Variants in CRADD observed in about 807,000 individuals in gnomAD.
CRADD encodes CARD and death domain containing adaptor protein, also known as death domain-containing protein CRADD.
CRADD carries 9 observed loss-of-function variants against 15.5 expected under a neutral mutation model. The ratio of observed to expected loss-of-function variants is 0.58; its 90% confidence interval spans 0.35 to 1.01. CRADD has a LOEUF of 1.01. Ranked by LOEUF, CRADD falls within the 50% of genes least tolerant of loss-of-function variation. The pLI is 0.02. For missense variants in CRADD, 227 were observed against 250.3 expected (o/e 0.91, Z 0.63); for synonymous variants, 118 against 107.6 (o/e 1.10, Z -0.60).
At chr12:93,686,596 A>G (rs1195368344) in intron 2 of CRADD, among the ~76,000 whole-genome samples, 1 of 152,250 alleles carries the variant, frequency 6.6e-6, no homozygotes, top group African/African-American at 2.4e-5. Flanking sequence ...AATTTTAAAC[A>G]CATTTACTTG....
intron 2 of CRADD, among the ~76,000 whole-genome samples, chr12:93,702,963 T>A (rs1479578897): frequency 6.6e-6 from 1 of 152,222 alleles, no homozygotes; most frequent in East Asian, 1.9e-4. Flanking sequence ...TCATTTATGT[T>A]GTTTTGTTCA....
chr12:93,795,087 G>C (rs1195800616), intron 2 of CRADD, among the ~76,000 whole-genome samples: 1 of 152,116 alleles, frequency 6.6e-6, no homozygotes. Context: ...TTGTGTTTAT[G>C]TATTATTTTT....
At chr12:93,695,987 A>G (rs1430445842) in intron 2 of CRADD, among the ~76,000 whole-genome samples, 1 of 152,222 alleles carries the variant, frequency 6.6e-6, no homozygotes, top group Admixed American at 6.5e-5. Flanking sequence ...TGAAAAAATG[A>G]TCAACATCGC....
chr12:93,856,870 A>T (rs775748432), intron 2 of CRADD, among the ~76,000 whole-genome samples: 4 of 152,192 alleles, frequency 2.6e-5, no homozygotes, highest in Non-Finnish European at 4.4e-5. Flanking sequence ...TTCAAATTAG[A>T]TGTTGCTGGC....
intron 2 of CRADD, among the ~76,000 whole-genome samples, chr12:93,880,190 ACTTAGT>A (rs970564353): frequency 6.6e-6 from 1 of 152,140 alleles, no homozygotes; most frequent in African/African-American, 2.4e-5. Flanking sequence ...AATGTCTAGG[ACTTAGT>A]CTTATCTTAC....
chr12:93,878,510 C>G lies in CRADD; in HGVS notation c.299-15540C>G, dbSNP rs150968819. Among the ~76,000 whole-genome samples, 1,206 of 152,294 alleles carry G rather than the reference C, an allele frequency of 7.9e-3. 10 individuals carry two copies. The highest frequency in any genetic ancestry group is 0.013 in the Non-Finnish European group (858 of 68,028). ...CCCCAACTGGTGTCTCAGTAGGTCA[C>G]ATGCCCCACCCCCAGTCCACTCTCT... is the stretch of plus-strand genomic sequence containing the variant. On this transcript the variant is annotated intron_variant, in intron 2 of 2. Transcript: ENST00000548483.
chr12:93,725,015 C>T (rs879732096), intron 2 of CRADD, among the ~76,000 whole-genome samples: 3 of 152,100 alleles, frequency 2.0e-5, no homozygotes, highest in Non-Finnish European at 4.4e-5. Flanking sequence ...CACCCGCCAC[C>T]ACGCTTGGCT....
intron 2 of CRADD, among the ~76,000 whole-genome samples, chr12:93,732,530 T>C (rs1312395889): frequency 6.6e-6 from 1 of 152,212 alleles, no homozygotes; most frequent in Non-Finnish European, 1.5e-5. Context: ...TGAATTATCT[T>C]TAAAATGGTT....
intron 2 of CRADD, among the ~76,000 whole-genome samples, chr12:93,739,647 CAAAA>C (rs2136926786): frequency 6.6e-6 from 1 of 152,036 alleles, no homozygotes; most frequent in South Asian, 2.1e-4. Context: ...TTCAGAAAGA[CAAAA>C]AGAAAACTCA....
At chr12:93,758,263 C>G (rs1419921997) in intron 2 of CRADD, among the ~76,000 whole-genome samples, 3 of 152,048 alleles carry the variant, frequency 2.0e-5, no homozygotes, top group Non-Finnish European at 4.4e-5. Context: ...AAAGATCTGC[C>G]AGAACACATG....
chr12:93,679,029 G>A lies in CRADD; in HGVS notation c.255G>A (p.Lys85=). The part of the protein sequence containing the change: ...SLQEFPWVRE[K]LKKAREEAMT... ...AGGAGTTTCCCTGGGTCAGGGAGAA[G>A]CTGAAGAAGGCAAGGGAAGAGGCCA... is the stretch of plus-strand genomic sequence containing the variant. The change falls in exon 2 of 3, where the codon AAG becomes AAA. Residue 85 remains lysine (K), a synonymous_variant. Coordinates refer to ENST00000332896, the MANE Select transcript of CRADD (RefSeq NM_003805.5). 6.2e-7 allele frequency: 1 copy of A among 1,614,146 alleles called. No homozygotes were observed. Among genetic ancestry groups the A allele is most frequent in the South Asian group, 1.1e-5 (1 of 91,090 alleles).
At chr12:93,780,859 G>A (rs914815625) in intron 2 of CRADD, among the ~76,000 whole-genome samples, 3 of 35,088 alleles carry the variant, frequency 8.5e-5, no homozygotes, top group African/African-American at 3.5e-4. Flanking sequence ...TCATATCTCA[G>A]CCTCAGCCTC....
intron 2 of CRADD, among the ~76,000 whole-genome samples, chr12:93,743,165 G>A (rs1437601464): frequency 6.6e-6 from 1 of 152,150 alleles, no homozygotes; most frequent in Non-Finnish European, 1.5e-5. Flanking sequence ...GATAATGCCA[G>A]TATTCCCTGT....
chr12:93,871,954 T>C (rs1463626102), intron 2 of CRADD, among the ~76,000 whole-genome samples: 1 of 152,220 alleles, frequency 6.6e-6, no homozygotes, highest in African/African-American at 2.4e-5. Context: ...GATCATATGG[T>C]AGCTCAATTT....
chr12:93,821,259 G>A (rs778723546), intron 2 of CRADD, among the ~76,000 whole-genome samples: 7 of 152,166 alleles, frequency 4.6e-5, no homozygotes, highest in Non-Finnish European at 7.4e-5. Flanking sequence ...GTTCTCCCCA[G>A]CCCGCATAGC....
At chr12:93,888,843 G>A (rs1958556638) in intron 2 of CRADD, among the ~76,000 whole-genome samples, 1 of 152,164 alleles carries the variant, frequency 6.6e-6, no homozygotes, top group African/African-American at 2.4e-5. Context: ...ATGAGGTAGG[G>A]AAGCAGTCAA....
intron 2 of CRADD, among the ~76,000 whole-genome samples, chr12:93,770,177 G>C (rs1201542947): frequency 7.0e-6 from 1 of 143,352 alleles, no homozygotes; most frequent in Non-Finnish European, 1.5e-5. Flanking sequence ...CTCACTGCAA[G>C]CTCCGCCTCC....
At chr12:93,722,845 T>G (rs1198492325) in intron 2 of CRADD, among the ~76,000 whole-genome samples, 3 of 152,194 alleles carry the variant, frequency 2.0e-5, no homozygotes, top group Admixed American at 2.0e-4. Flanking sequence ...CTCTTCAAAC[T>G]GTGTTGTTTT....
chr12:93,838,214 G>GTTTTTTTTTTTTTTTTTTT (rs66564800), intron 2 of CRADD, among the ~76,000 whole-genome samples: 3 of 130,604 alleles, frequency 2.3e-5, no homozygotes, highest in African/African-American at 2.9e-5. Context: ...TCCTTTTGAG[G>GTTTTTTTTTTTTTTTTTTT]TTTTTTTTTT....
Sources: gnomAD v4.1 joint callset for allele counts (sites outside exome capture counted in the v4.1 genomes callset) on GRCh38, gnomAD v4.1.1 for gene constraint, MANE v1.5 for transcripts, NCBI Gene and HGNC (gene_info 2026-07-23, HGNC 2026-07-21) for gene names.